Variants in ASAP1 observed in about 807,000 individuals in gnomAD.
ASAP1 encodes the protein arf-GAP with SH3 domain, ANK repeat and PH domain-containing protein 1.
ASAP1 carries 43 observed loss-of-function variants against 145.2 expected under a neutral mutation model. That is an observed-to-expected ratio of 0.30 (90% CI 0.23 to 0.38). The LOEUF (loss-of-function observed/expected upper bound fraction) is 0.38. ASAP1 is among the 10% of genes least tolerant of loss of function. ASAP1 has a pLI of 1.00. For missense variants in ASAP1, 1,018 were observed against 1,355.3 expected (o/e 0.75, Z 3.91); for synonymous variants, 546 against 515.5 (o/e 1.06, Z -0.80).
At chr8:130,327,923 T>C (rs777719569) in intron 3 of ASAP1, among the ~76,000 whole-genome samples, 11 of 152,336 alleles carry the variant, frequency 7.2e-5, no homozygotes, top group Non-Finnish European at 1.0e-4. Context: ...TTTTAAATGA[T>C]GGTTTGGTAG....
chr8:130,063,419 C>G (rs1284456994), intron 27 of ASAP1, among the ~76,000 whole-genome samples: 2 of 152,188 alleles, frequency 1.3e-5, no homozygotes, highest in Admixed American at 1.3e-4. Flanking sequence ...GTTCCACATC[C>G]TCTCTCCGCA....
chr8:130,168,828 C>A (rs190410630), intron 10 of ASAP1, among the ~76,000 whole-genome samples, 164 bp downstream of exon 10: 4 of 152,138 alleles, frequency 2.6e-5, no homozygotes, highest in Admixed American at 2.6e-4. Flanking sequence ...ATTTGACCAT[C>A]GATGACTTCT....
chr8:130,196,079 C>T (rs757150896), intron 5 of ASAP1, among the ~76,000 whole-genome samples: 3 of 152,198 alleles, frequency 2.0e-5, no homozygotes, highest in Admixed American at 6.5e-5. Flanking sequence ...CAGTGGCTCA[C>T]GCCTGTAATC....
Position 130,153,095 on chromosome 8 carries a change from C to A in ASAP1, c.1011-290G>T, listed in dbSNP as rs549012253. On this transcript the variant is annotated intron_variant, in intron 12 of 29. Coordinates refer to ENST00000518721, the MANE Select transcript of ASAP1 (RefSeq NM_018482.4). ...GGTGCAGTGGCATGATCTCGGCTCA[C>A]TGCAACCTCCATCTCCCGGGTTGAA... 3.1e-3 allele frequency among the ~76,000 whole-genome samples: 463 copies of A among 151,698 alleles called. 1 individual carries two copies. The highest frequency in any genetic ancestry group is 0.011 in the African/African-American group (446 of 41,350).
intron 3 of ASAP1, among the ~76,000 whole-genome samples, chr8:130,347,489 G>A (rs972455409): frequency 1.1e-4 from 16 of 152,222 alleles, no homozygotes; most frequent in Admixed American, 7.2e-4. Context: ...TAACTGTCAT[G>A]TCAATGAAAA....
chr8:130,354,454 C>A (rs1826185321), intron 3 of ASAP1, among the ~76,000 whole-genome samples: 3 of 152,184 alleles, frequency 2.0e-5, no homozygotes, highest in South Asian at 4.1e-4. Flanking sequence ...TATAAAATAA[C>A]CAAGTAGACT....
chr8:130,259,087 G>C (rs1819742245), intron 3 of ASAP1, among the ~76,000 whole-genome samples: 1 of 152,078 alleles, frequency 6.6e-6, no homozygotes, highest in Non-Finnish European at 1.5e-5. Flanking sequence ...TCCCCACAGA[G>C]TACGGTTCAC....
chr8:130,243,371 A>G (rs1414810369), intron 3 of ASAP1, among the ~76,000 whole-genome samples: 2 of 152,168 alleles, frequency 1.3e-5, no homozygotes, highest in Non-Finnish European at 2.9e-5. Context: ...GATAATATTC[A>G]TGTTTATTTC....
intron 2 of ASAP1, among the ~76,000 whole-genome samples, chr8:130,374,930 G>C (rs988543550): frequency 1.3e-5 from 2 of 152,340 alleles, no homozygotes; most frequent in Middle Eastern, 3.4e-3. Context: ...ACATGTGAAA[G>C]AGGATTCCAC....
rs76228546 is a variant in ASAP1 at position 130,250,501 on chromosome 8, G to A, written c.187-13507C>T. Among the ~76,000 whole-genome samples, 1,086 of 152,250 alleles carry A rather than the reference G, an allele frequency of 7.1e-3. 15 individuals carry two copies. Among genetic ancestry groups the A allele is most frequent in the African/African-American group, 0.025 (1,040 of 41,548 alleles). On this transcript the variant is annotated intron_variant, in intron 3 of 29. Coordinates refer to ENST00000518721, the MANE Select transcript of ASAP1 (RefSeq NM_018482.4). ...TCCTAGTTTCTGAGAACAGAAGTTT[G>A]AAGGGAATACAAGTGGTAAGCCATT...
At chr8:130,238,014 C>T (rs993401587) in intron 3 of ASAP1, among the ~76,000 whole-genome samples, 1 of 152,080 alleles carries the variant, frequency 6.6e-6, no homozygotes, top group African/African-American at 2.4e-5. Context: ...TCATCTAAAC[C>T]TCAGAACTTC....
At chr8:130,433,074 A>C (rs1179894260) in intron 1 of ASAP1, among the ~76,000 whole-genome samples, 1 of 152,232 alleles carries the variant, frequency 6.6e-6, no homozygotes, top group Non-Finnish European at 1.5e-5. Context: ...GGGCTGAGGA[A>C]GTAACTGTCC....
At chr8:130,337,754 T>C (rs1318178945) in intron 3 of ASAP1, among the ~76,000 whole-genome samples, 1 of 152,172 alleles carries the variant, frequency 6.6e-6, no homozygotes, top group African/African-American at 2.4e-5. Flanking sequence ...TCCTCTCCTC[T>C]CAACTTGAAA....
At chr8:130,366,953 A>G (rs929233550) in intron 2 of ASAP1, among the ~76,000 whole-genome samples, 15 of 136,714 alleles carry the variant, frequency 1.1e-4, no homozygotes, top group Non-Finnish European at 1.7e-4. Flanking sequence ...GTGCAGTGGC[A>G]CAATCCCGGC....
chr8:130,065,755 A>G (rs1043239910), intron 27 of ASAP1, among the ~76,000 whole-genome samples: 1 of 152,240 alleles, frequency 6.6e-6, no homozygotes, highest in African/African-American at 2.4e-5. Context: ...AATCTGGAGA[A>G]GCCAGTGTGG....
chr8:130,400,329 T>C (rs933981133), intron 2 of ASAP1, among the ~76,000 whole-genome samples: 6 of 152,222 alleles, frequency 3.9e-5, no homozygotes, highest in Non-Finnish European at 7.3e-5. Context: ...TGGTTCTTCC[T>C]GTCCAGTCTA....
At chr8:130,193,747 C>T (rs1815297671) in intron 5 of ASAP1, among the ~76,000 whole-genome samples, 1 of 152,122 alleles carries the variant, frequency 6.6e-6, no homozygotes, top group African/African-American at 2.4e-5. Flanking sequence ...TATAAAATAA[C>T]AATTAAAGAA....
intron 25 of ASAP1, among the ~76,000 whole-genome samples, chr8:130,086,579 T>C (rs1383077568): frequency 6.6e-6 from 1 of 152,144 alleles, no homozygotes; most frequent in Non-Finnish European, 1.5e-5. Flanking sequence ...CCAAGGCAGG[T>C]GGATCACATA....
At chr8:130,078,032 T>C (rs568708039) in intron 26 of ASAP1, among the ~76,000 whole-genome samples, 6 of 149,528 alleles carry the variant, frequency 4.0e-5, no homozygotes, top group African/African-American at 1.5e-4. Context: ...CGCTGTCACC[T>C]AGGCTGGAGT....
Sources: allele counts gnomAD v4.1 joint callset (sites outside exome capture counted in the v4.1 genomes callset), GRCh38; gene constraint gnomAD v4.1.1; transcripts MANE v1.5; gene names NCBI Gene and HGNC (gene_info 2026-07-23, HGNC 2026-07-21).